Variants in CPED1 observed in about 807,000 individuals in gnomAD.
The protein encoded by CPED1 is cadherin like and PC-esterase domain containing 1.
In CPED1, 114 loss-of-function variants were observed where a neutral mutation model predicts 128.2. That is an observed-to-expected ratio of 0.89 (90% confidence interval 0.76 to 1.04). The LOEUF is 1.04. Ranked by LOEUF, CPED1 falls within the 50% of genes least tolerant of loss-of-function variation. The probability of loss-of-function intolerance (pLI) is 0.00; values close to 1 mark genes in which losing one functional copy is unlikely to be tolerated. For synonymous variants in CPED1, 462 were observed against 426.7 expected (o/e 1.08, Z -1.02); for missense variants, 1,211 against 1,207.1 (o/e 1.00, Z -0.05).
At chr7:121,260,850 C>T (rs953030287) in intron 18 of CPED1, among the ~76,000 whole-genome samples, 6 of 151,772 alleles carry the variant, frequency 4.0e-5, no homozygotes, top group African/African-American at 7.3e-5. Context: ...TAAATATTGA[C>T]GATAAAACTG....
rs545315650 is a variant in CPED1 at position 121,187,642 on chromosome 7, A to G, written c.2055+45501A>G. On this transcript the variant is annotated intron_variant, in intron 16 of 22. Coordinates refer to ENST00000310396, the MANE Select transcript of CPED1 (RefSeq NM_024913.5). ...CCAAGAGCAGTAAACACACAAGAGC[A>G]GTAAACACTCTAGGTCTTTCAAACA... Among the ~76,000 whole-genome samples the G allele has an allele frequency of 7.2e-5, 11 of 152,288 alleles. No individual in the cohort carries two copies. In the East Asian group the frequency reaches 1.9e-3, roughly 27 times the overall value.
At chr7:121,038,632 T>C (rs1458693409) in intron 3 of CPED1, among the ~76,000 whole-genome samples, 1 of 152,018 alleles carries the variant, frequency 6.6e-6, no homozygotes, top group Non-Finnish European at 1.5e-5. Context: ...TCAGATTTTC[T>C]TAGTTTTCAT....
rs1217455593 is a variant in CPED1 at position 121,296,016 on chromosome 7, T to C, written c.*364T>C. The C allele has an allele frequency of 5.6e-6, 1 of 179,878 alleles. No individual in the cohort carries two copies. Among genetic ancestry groups the C allele is most frequent in the Non-Finnish European group, 1.2e-5 (1 of 85,376 alleles). 11.1% of individuals were successfully genotyped at this position (179,878 alleles called of 1,614,324 possible). On this transcript the variant is annotated 3_prime_UTR_variant, in exon 23 of 23. Coordinates refer to ENST00000310396, the MANE Select transcript of CPED1 (RefSeq NM_024913.5). ...AAAAAAAGGATAATGCTCTTTCATG[T>C]TGTCTTACCATATCTATAGGTACAT...
chr7:121,206,117 CTAAAGA>C (rs1198948460), intron 16 of CPED1, among the ~76,000 whole-genome samples: 2 of 151,938 alleles, frequency 1.3e-5, no homozygotes, highest in Non-Finnish European at 2.9e-5. Context: ...GTTTCAACTG[CTAAAGA>C]TAAATACCCC....
At chr7:121,088,637 C>G (rs989233165) in intron 5 of CPED1, among the ~76,000 whole-genome samples, 2 of 146,532 alleles carry the variant, frequency 1.4e-5, no homozygotes, top group Admixed American at 6.9e-5. Context: ...CCAGCCTGGG[C>G]GACGGTGCGA....
chr7:121,292,984 C>T (rs868054626), intron 22 of CPED1, among the ~76,000 whole-genome samples: 5 of 152,118 alleles, frequency 3.3e-5, no homozygotes, highest in African/African-American at 4.8e-5. Context: ...CTCCCAGTCA[C>T]GAGGCACGGG....
At chr7:121,001,502 T>C (rs1349234886) in intron 2 of CPED1, among the ~76,000 whole-genome samples, 1 of 152,080 alleles carries the variant, frequency 6.6e-6, no homozygotes, top group Non-Finnish European at 1.5e-5. Flanking sequence ...TGGTAATGTG[T>C]AACTATGGGA....
chr7:121,080,695 T>TA (rs1314654777), intron 5 of CPED1, among the ~76,000 whole-genome samples: 2 of 136,414 alleles, frequency 1.5e-5, no homozygotes, highest in African/African-American at 5.5e-5. Flanking sequence ...TTATGCATTT[T>TA]AAAAACCTTC....
chr7:121,277,482 C>T (rs1033920789), intron 22 of CPED1, among the ~76,000 whole-genome samples: 2 of 152,132 alleles, frequency 1.3e-5, no homozygotes, highest in African/African-American at 2.4e-5. Flanking sequence ...GCGTGAACTG[C>T]AGAGTTTTGG....
At chr7:121,142,426 G>A (rs1795927064) in intron 16 of CPED1, among the ~76,000 whole-genome samples, 1 of 151,796 alleles carries the variant, frequency 6.6e-6, no homozygotes, top group African/African-American at 2.4e-5. Context: ...TTGTGAAATC[G>A]GTTTCACATT....
At chr7:121,128,535 T>C in intron 11 of CPED1, 49 bp downstream of exon 11, 1 of 939,298 alleles carries the variant, frequency 1.1e-6, no homozygotes, top group Non-Finnish European at 1.8e-6. Flanking sequence ...GGGATTAGAG[T>C]AGATCACTGT....
chr7:121,099,998 G>C lies in CPED1; in HGVS notation c.822G>C (p.Ala274=), dbSNP rs765821693. Reference sequence around the variant, plus strand: ...AAGATCTATCTGTGATTCTTAAAGCGTATGTGTTGGTGACGTCCTTAACCC... The same window carrying C: ...AAGATCTATCTGTGATTCTTAAAGCCTATGTGTTGGTGACGTCCTTAACCC... ...RAEDLSVILK[A]YVLVTSLTPL... is the part of the protein sequence containing the mutation. Residue 274 remains alanine, a synonymous_variant, in exon 7 of 23, where the codon GCG becomes GCC. Transcript: ENST00000310396. 7.4e-6 allele frequency: 12 copies of C among 1,613,298 alleles called. No individual in the cohort carries two copies. Among genetic ancestry groups the C allele is most frequent in the African/African-American group, 1.3e-5 (1 of 74,794 alleles).
intron 16 of CPED1, among the ~76,000 whole-genome samples, chr7:121,171,803 A>G (rs1255742024): frequency 6.6e-6 from 1 of 152,206 alleles, no homozygotes; most frequent in African/African-American, 2.4e-5. Flanking sequence ...ATGCCTAGGA[A>G]TTGGATATCT....
chr7:120,995,962 TCCTCC>T (rs61161066), intron 2 of CPED1, among the ~76,000 whole-genome samples: 1 of 143,000 alleles, frequency 7.0e-6, no homozygotes, highest in Non-Finnish European at 1.5e-5. Flanking sequence ...CTCCTCCTCC[TCCTCC>T]TCCTTCTTCT....
intron 16 of CPED1, among the ~76,000 whole-genome samples, chr7:121,162,172 A>C (rs559706631): frequency 1.0e-3 from 153 of 152,354 alleles, no homozygotes; most frequent in Non-Finnish European, 1.8e-3. Flanking sequence ...AGTGTAGGCA[A>C]TAGGAACTGG....
chr7:121,022,106 T>C (rs1272077480), intron 3 of CPED1, among the ~76,000 whole-genome samples: 1 of 151,946 alleles, frequency 6.6e-6, no homozygotes, highest in East Asian at 1.9e-4. Context: ...TCTTTTATGC[T>C]TATCATTTAT....
intron 16 of CPED1, among the ~76,000 whole-genome samples, chr7:121,185,333 C>A (rs942029028): frequency 1.3e-5 from 2 of 151,968 alleles, no homozygotes; most frequent in African/African-American, 4.8e-5. Context: ...AGTAAATATA[C>A]CTATATATTT....
chr7:121,116,958 CTCTCTA>C lies in CPED1; in HGVS notation c.919-7371_919-7366del, dbSNP rs1270169703. On this transcript the variant is annotated intron_variant, in intron 7 of 22. Transcript: ENST00000310396. ...ACATAGAAACTCTCTCTCTCTCTCTCTCTCTATATATATATATATACACACACACAC... is the reference window on the plus strand; with the variant it reads ...ACATAGAAACTCTCTCTCTCTCTCTCTATATATATATATACACACACACAC... 1.4e-3 allele frequency among the ~76,000 whole-genome samples: 114 copies of C among 80,706 alleles called. 2 individuals carry two copies. Among genetic ancestry groups the C allele is most frequent in the African/African-American group, 4.2e-3 (103 of 24,620 alleles). 52.9% of individuals were successfully genotyped at this position (80,706 alleles called of 152,430 possible).
At position 121,176,562 on chromosome 7, in the gene CPED1, T is replaced by C. The variant is rs147300388; in HGVS notation, c.2055+34421T>C. On this transcript the variant is annotated intron_variant, in intron 16 of 22. Coordinates refer to ENST00000310396, the MANE Select transcript of CPED1 (RefSeq NM_024913.5). ...AAGAAAAATTAAGAGGATGAAAGGA[T>C]TGATTTATTAGCCATGATTAAAGGA... Among the ~76,000 whole-genome samples, 1,061 of 152,124 alleles carry C rather than the reference T, an allele frequency of 7.0e-3. 13 individuals are homozygous for C. The highest frequency in any genetic ancestry group is 0.024 in the African/African-American group (988 of 41,524).
Sources: allele counts gnomAD v4.1 joint callset (sites outside exome capture counted in the v4.1 genomes callset), GRCh38; gene constraint gnomAD v4.1.1; transcripts MANE v1.5; gene names NCBI Gene and HGNC (gene_info 2026-07-23, HGNC 2026-07-21).